Variants in DLG2 observed in about 807,000 individuals in gnomAD.
The protein encoded by DLG2 is disks large homolog 2.
A neutral mutation model predicts 132.5 loss-of-function variants in DLG2; 45 were observed. The observed-to-expected ratio is 0.34, with a 90% confidence interval of 0.27 to 0.44. The LOEUF (loss-of-function observed/expected upper bound fraction) is 0.44, where lower values mean the gene tolerates loss of function less well. Ranked by LOEUF, DLG2 falls within the 20% of genes least tolerant of loss-of-function variation. The probability of loss-of-function intolerance (pLI) is 1.00; values close to 1 mark genes in which losing one functional copy is unlikely to be tolerated. For synonymous variants in DLG2, 424 were observed against 419.6 expected, an observed-to-expected ratio of 1.01 and a Z score of -0.13; for missense variants, 1,045 against 1,196.9, an observed-to-expected ratio of 0.87 and a Z score of 1.87.
intron 3 of DLG2, among the ~76,000 whole-genome samples, chr11:85,441,270 T>C (rs1364142866): frequency 6.6e-6 from 1 of 152,130 alleles, no homozygotes; most frequent in Non-Finnish European, 1.5e-5. Context: ...TTCTCCCCCT[T>C]ACCGACCCTA....
chr11:85,500,845 A>T (rs1373258767), intron 3 of DLG2, among the ~76,000 whole-genome samples: 1 of 152,258 alleles, frequency 6.6e-6, no homozygotes, highest in African/African-American at 2.4e-5. Context: ...ATTACTGCCC[A>T]AAGTAATTTA....
intron 6 of DLG2, among the ~76,000 whole-genome samples, chr11:84,941,241 AT>A (rs1248115279): frequency 1.3e-5 from 2 of 152,060 alleles, no homozygotes; most frequent in Non-Finnish European, 2.9e-5. Flanking sequence ...AATTTTTAAG[AT>A]TGTTTTAGCT....
At chr11:84,658,618 A>G (rs2099691022) in intron 6 of DLG2, among the ~76,000 whole-genome samples, 1 of 152,108 alleles carries the variant, frequency 6.6e-6, no homozygotes, top group Admixed American at 6.6e-5. Flanking sequence ...CCCCATGGTA[A>G]TGAGTTAGTT....
chr11:84,730,558 G>T (rs2063036834), intron 6 of DLG2, among the ~76,000 whole-genome samples: 1 of 151,996 alleles, frequency 6.6e-6, no homozygotes, highest in East Asian at 1.9e-4. Flanking sequence ...AAGGCAAATT[G>T]ATCATTGTCA....
At chr11:84,950,309 G>A (rs1286790222) in intron 6 of DLG2, among the ~76,000 whole-genome samples, 1 of 152,292 alleles carries the variant, frequency 6.6e-6, no homozygotes, top group East Asian at 1.9e-4. Context: ...ATGGCTGTCT[G>A]TGGGTGTTAT....
intron 8 of DLG2, among the ~76,000 whole-genome samples, chr11:84,172,518 C>CTTATTTATTTAT (rs71066098): frequency 5.0e-4 from 67 of 134,528 alleles, no homozygotes; most frequent in Non-Finnish European, 5.8e-4. Flanking sequence ...TTTTTCCATT[C>CTTATTTATTTAT]TTATTTATTT....
intron 6 of DLG2, among the ~76,000 whole-genome samples, chr11:84,817,942 A>G (rs535447444): frequency 6.6e-6 from 1 of 152,026 alleles, no homozygotes; most frequent in Non-Finnish European, 1.5e-5. Flanking sequence ...TAAAATAATC[A>G]TAACAATTAT....
chr11:83,724,989 C>T, intron 18 of DLG2: 3 of 694,250 alleles, frequency 4.3e-6, no homozygotes, highest in Non-Finnish European at 7.9e-6. Context: ...CCTCCTGACG[C>T]TCTTGAGTGG....
intron 11 of DLG2, among the ~76,000 whole-genome samples, chr11:83,991,759 A>C (rs917644053): frequency 6.6e-6 from 1 of 152,054 alleles, no homozygotes; most frequent in African/African-American, 2.4e-5. Context: ...CATACACCAC[A>C]ATCTACTCAC....
chr11:83,606,019 G>T (rs1157675374), intron 19 of DLG2, among the ~76,000 whole-genome samples: 1 of 152,182 alleles, frequency 6.6e-6, no homozygotes, highest in Non-Finnish European at 1.5e-5. Context: ...TATACTAGTT[G>T]TTATGCTACT....
At chr11:85,384,359 T>C (rs1370862068) in intron 3 of DLG2, among the ~76,000 whole-genome samples, 1 of 152,152 alleles carries the variant, frequency 6.6e-6, no homozygotes, top group Non-Finnish European at 1.5e-5. Context: ...CTAAAATTCA[T>C]ATAGAAATGC....
intron 5 of DLG2, among the ~76,000 whole-genome samples, chr11:85,139,814 CTGTG>C (rs554981163): frequency 8.0e-4 from 122 of 152,084 alleles, no homozygotes; most frequent in East Asian, 3.5e-3. Context: ...CTGTTTTATT[CTGTG>C]TGTGTATTTT....
chr11:84,649,165 T>A (rs1389245161), intron 6 of DLG2, among the ~76,000 whole-genome samples: 1 of 152,176 alleles, frequency 6.6e-6, no homozygotes, highest in African/African-American at 2.4e-5. Context: ...TTCCTGGATC[T>A]TGAGTACTGC....
At chr11:85,249,522 AT>A (rs2076296965) in intron 4 of DLG2, among the ~76,000 whole-genome samples, 1 of 152,086 alleles carries the variant, frequency 6.6e-6, no homozygotes, top group African/African-American at 2.4e-5. Context: ...TGAGAATTGT[AT>A]GTTGACCTAT....
intron 16 of DLG2, among the ~76,000 whole-genome samples, chr11:83,839,629 A>C (rs984388405): frequency 1.3e-5 from 2 of 152,216 alleles, no homozygotes; most frequent in Non-Finnish European, 2.9e-5. Context: ...GAAAATTTTT[A>C]AAAACTAAGC....
At chr11:85,425,898 G>C (rs1032136485) in intron 3 of DLG2, among the ~76,000 whole-genome samples, 2 of 152,206 alleles carry the variant, frequency 1.3e-5, no homozygotes, top group Non-Finnish European at 2.9e-5. Context: ...TCAAAGAAAG[G>C]AGTGACAGAT....
intron 9 of DLG2, among the ~76,000 whole-genome samples, chr11:84,159,437 T>C (rs985239209): frequency 6.6e-6 from 1 of 152,174 alleles, no homozygotes; most frequent in African/African-American, 2.4e-5. Flanking sequence ...GAATAAACCA[T>C]GTAAAGATAT....
intron 8 of DLG2, among the ~76,000 whole-genome samples, chr11:84,237,251 G>A (rs768441711): frequency 6.6e-6 from 1 of 152,026 alleles, no homozygotes. Context: ...TTTGAAGCGG[G>A]AAGCAATTAC....
rs566750896 is a variant in DLG2 at position 85,120,110 on chromosome 11, C to T, written c.283-8375G>A. Among the ~76,000 whole-genome samples, 54 of 152,128 alleles carry T rather than the reference C, an allele frequency of 3.5e-4. No individual in the cohort carries two copies. The South Asian group carries it at 6.8e-3, about 19-fold the overall frequency. On this transcript the variant is annotated intron_variant, in intron 5 of 27. Transcript: ENST00000376104. ...TTAATTGTACAGAGCTTTCTCTTAT[C>T]GGAGGATTTTCTCAGTTACCTAAAA...
Sources: allele counts gnomAD v4.1 joint callset (sites outside exome capture counted in the v4.1 genomes callset), GRCh38; gene constraint gnomAD v4.1.1; transcripts MANE v1.5; gene names NCBI Gene and HGNC (gene_info 2026-07-23, HGNC 2026-07-21).